Variants in SPDYE4 observed in about 807,000 individuals in gnomAD.
SPDYE4 encodes speedy/RINGO cell cycle regulator family member E4, also known as speedy protein E4.
In SPDYE4, 30 loss-of-function variants were observed where a neutral mutation model predicts 37.5. That is an observed-to-expected ratio of 0.80 (90% confidence interval 0.60 to 1.09). The LOEUF is 1.09. SPDYE4 is among the 50% of genes least tolerant of loss of function. The pLI is 0.00. For synonymous variants in SPDYE4, 131 were observed against 120.3 expected (o/e 1.09, Z -0.58); for missense variants, 300 against 307.9 (o/e 0.97, Z 0.19).
downstream of SPDYE4, among the ~76,000 whole-genome samples, chr17:8,750,065 G>T (rs1176551635): frequency 6.6e-6 from 1 of 152,114 alleles, no homozygotes; most frequent in Non-Finnish European, 1.5e-5. Flanking sequence ...ACTAACCCGA[G>T]ATACTTCCCT....
intron 1 of SPDYE4, among the ~76,000 whole-genome samples, chr17:8,757,853 G>C (rs904453060): frequency 4.0e-5 from 6 of 150,742 alleles, no homozygotes; most frequent in African/African-American, 1.5e-4. Context: ...CACAATCTTG[G>C]TTCACTGCAA....
Position 8,753,112 on chromosome 17 carries a change from C to T in SPDYE4, c.*26G>A. 7 of 1,613,540 alleles carry T rather than the reference C, an allele frequency of 4.3e-6. No individual in the cohort carries two copies. The highest frequency in any genetic ancestry group is 5.9e-6 in the Non-Finnish European group (7 of 1,179,602). On this transcript the variant is annotated 3_prime_UTR_variant, in exon 6 of 7. Coordinates refer to ENST00000689094, the MANE Select transcript of SPDYE4 (RefSeq NM_001394956.1). ...CACGTACCTTCCCTCAGGCCGATGA[C>T]CTCAGGCCTCCATGTCCCCGGAGCT...
chr17:8,758,357 G>T lies in SPDYE4; in HGVS notation c.26C>A (p.Pro9Gln), dbSNP rs571433068. ...AGGCTGGGGGCTCTCCTCCTCAAAC[G>T]GGGGGCGCGCTTGACCACTGGCCAT... is the stretch of plus-strand genomic sequence containing the variant. MASGQARP[P>Q]FEEESPQPST... The change falls in exon 1 of 7, where the codon CCG becomes CAG. Residue 9 changes from proline (P) to glutamine (Q), a missense_variant. By Grantham distance (76) the Pro-to-Gln change is moderately conservative (BLOSUM62 -1). Coordinates refer to ENST00000689094, the MANE Select transcript of SPDYE4 (RefSeq NM_001394956.1). The T allele has an allele frequency of 1.9e-6, 3 of 1,550,842 alleles. No individual in the cohort carries two copies. The highest frequency in any genetic ancestry group is 2.6e-6 in the Non-Finnish European group (3 of 1,146,618).
intron 6 of SPDYE4, 21 bp downstream of exon 6, chr17:8,753,073 C>T: frequency 4.5e-6 from 7 of 1,559,980 alleles, no homozygotes; most frequent in Non-Finnish European, 6.2e-6. Flanking sequence ...TCTGCCTTTA[C>T]CCTGGAGGAT....
At chr17:8,753,249 T>G in intron 5 of SPDYE4, 52 bp from the exon 6 acceptor site, 1 of 1,612,312 alleles carries the variant, frequency 6.2e-7, no homozygotes, top group Non-Finnish European at 8.5e-7. Context: ...GGAAGCCCCC[T>G]CTCTGCCCTC....
chr17:8,755,637 AGGTT>A (rs1162408004), intron 3 of SPDYE4, 32 bp from the exon 4 acceptor site: 8 of 1,606,454 alleles, frequency 5.0e-6, no homozygotes, highest in Non-Finnish European at 6.8e-6. Context: ...AGAGAGAGAA[AGGTT>A]GGTCACATCC....
chr17:8,756,006 T>A (rs1259987129), intron 3 of SPDYE4, among the ~76,000 whole-genome samples: 1 of 151,974 alleles, frequency 6.6e-6, no homozygotes, highest in African/African-American at 2.4e-5. Flanking sequence ...GGGCCACCCA[T>A]CAACTATGCA....
At chr17:8,753,945 C>T (rs778642603) in intron 4 of SPDYE4, among the ~76,000 whole-genome samples, 2 of 152,096 alleles carry the variant, frequency 1.3e-5, no homozygotes, top group Non-Finnish European at 1.5e-5. Flanking sequence ...CATGTATGCA[C>T]ACACCTGTCT....
chr17:8,747,663 C>T (rs1190439769), downstream of SPDYE4, among the ~76,000 whole-genome samples: 1 of 152,180 alleles, frequency 6.6e-6, no homozygotes, highest in Admixed American at 6.5e-5. Flanking sequence ...TGCCAGAACA[C>T]AGCCTTGATC....
chr17:8,754,171 G>A (rs1276452023), intron 4 of SPDYE4, among the ~76,000 whole-genome samples: 1 of 152,180 alleles, frequency 6.6e-6, no homozygotes, highest in African/African-American at 2.4e-5. Flanking sequence ...ATACATGAAT[G>A]AATGAAGGAA....
Position 8,758,518 on chromosome 17 carries a change from T to C in SPDYE4, c.-136A>G, listed in dbSNP as rs1225166210. The C allele has an allele frequency of 1.9e-5, 15 of 807,786 alleles. No homozygotes were observed. The highest frequency in any genetic ancestry group is 2.5e-5 in the Admixed American group (1 of 40,714). The allele number at this position is 807,786 out of a possible 1,614,324, so 50.0% of individuals were successfully genotyped here. On this transcript the variant is annotated 5_prime_UTR_variant, in exon 1 of 7. Transcript: ENST00000689094. ...CTCGGGAGAAGTTAGGAGTGAAGAGTAGTTCTGAGAAGTTGCTGTTGTCCA... is the reference window on the plus strand; with the variant it reads ...CTCGGGAGAAGTTAGGAGTGAAGAGCAGTTCTGAGAAGTTGCTGTTGTCCA...
Position 8,754,094 on chromosome 17 carries a change from T to A in SPDYE4, c.486-605A>T, listed in dbSNP as rs2086752684. Among the ~76,000 whole-genome samples, 3 of 152,192 alleles carry A rather than the reference T, an allele frequency of 2.0e-5. No homozygotes were observed. In the South Asian group the frequency reaches 6.2e-4, roughly 32 times the overall value. ...ATTCAACAAGCATTGCTGTGAACTC[T>A]CCCTTCCCATCCTTCCTATTCCCTG... On this transcript the variant is annotated intron_variant, in intron 4 of 6. Transcript: ENST00000689094.
At position 8,757,279 on chromosome 17, in the gene SPDYE4, G is replaced by A. The variant is rs114698260; in HGVS notation, c.323C>T (p.Ala108Val). 866 of 1,605,506 alleles carry A rather than the reference G, an allele frequency of 5.4e-4. 1 individual carries two copies. In the African/African-American group the frequency reaches 0.01, roughly 19 times the overall value. ...CCTCCTACCAAGGAGCCTGTTGAAGGCCTCGTGGTGCTCAGGGAGCACGGA... is the reference window on the plus strand; with the variant it reads ...CCTCCTACCAAGGAGCCTGTTGAAGACCTCGTGGTGCTCAGGGAGCACGGA... Reference protein sequence around the residue: ...ASSVLPEHHEAFNRLLGDPVV... With the variant: ...ASSVLPEHHEVFNRLLGDPVV... The change falls in exon 2 of 7, where the codon GCC becomes GTC. Residue 108 changes from alanine (A) to valine (V), a missense_variant. Physicochemically the swap from Ala to Val is moderately conservative, Grantham distance 64 (BLOSUM62 0). Coordinates refer to ENST00000689094, the MANE Select transcript of SPDYE4 (RefSeq NM_001394956.1).
At chr17:8,754,306 C>T (rs1160604344) in intron 4 of SPDYE4, among the ~76,000 whole-genome samples, 1 of 152,148 alleles carries the variant, frequency 6.6e-6, no homozygotes, top group Non-Finnish European at 1.5e-5. Context: ...GATATTTTGG[C>T]TGATTGGGTG....
chr17:8,755,464 C>T (rs1455753737), intron 4 of SPDYE4, 56 bp downstream of exon 4: 43 of 1,564,486 alleles, frequency 2.7e-5, no homozygotes, highest in Middle Eastern at 2.3e-4. Context: ...AATCCCACTT[C>T]GTCCACTGTC....
intron 5 of SPDYE4, 50 bp from the exon 6 acceptor site, chr17:8,753,247 C>T (rs776413786): frequency 1.2e-6 from 2 of 1,612,876 alleles, no homozygotes; most frequent in Non-Finnish European, 1.7e-6. Flanking sequence ...CAGGAAGCCC[C>T]CTCTCTGCCC....
intron 2 of SPDYE4, 129 bp downstream of exon 2, chr17:8,757,133 T>C (rs2086778754): frequency 1.2e-6 from 1 of 816,944 alleles, no homozygotes; most frequent in African/African-American, 1.7e-5. Context: ...CTCCTAAGCA[T>C]CCTCCTCCTG....
chr17:8,756,797 C>T (rs1290365412), intron 2 of SPDYE4, among the ~76,000 whole-genome samples: 1 of 152,208 alleles, frequency 6.6e-6, no homozygotes, highest in East Asian at 1.9e-4. Flanking sequence ...CTTGTTATCC[C>T]CCTCCACGGA....
chr17:8,754,013 A>G (rs992837219), intron 4 of SPDYE4, among the ~76,000 whole-genome samples: 7 of 151,974 alleles, frequency 4.6e-5, no homozygotes, highest in African/African-American at 1.7e-4. Context: ...GTTTCTGTAA[A>G]TCATCTCTCA....
Sources: allele counts gnomAD v4.1 joint callset (sites outside exome capture counted in the v4.1 genomes callset), GRCh38; gene constraint gnomAD v4.1.1; transcripts MANE v1.5; gene names NCBI Gene and HGNC (gene_info 2026-07-23, HGNC 2026-07-21).